ARID1A: variants seen among roughly 807,000 people sequenced by gnomAD.
ARID1A encodes AT-rich interactive domain-containing protein 1A.
ARID1A carries 20 observed loss-of-function variants against 212.6 expected under a neutral mutation model. The observed-to-expected ratio is 0.09, with a 90% CI of 0.07 to 0.14. The LOEUF is 0.14. Among genes scored for constraint, ARID1A ranks in the 10% least tolerant of loss-of-function variants. The pLI is 1.00. For synonymous variants in ARID1A, 1,376 were observed against 1,222.1 expected, an observed-to-expected ratio of 1.13 and a Z score of -2.63; for missense variants, 2,587 against 3,059.0, an observed-to-expected ratio of 0.85 and a Z score of 3.64.
At chr1:26,768,100 C>G in intron 11 of ARID1A, 101 bp downstream of exon 11, 2 of 1,269,950 alleles carry the variant, frequency 1.6e-6, no homozygotes, top group South Asian at 1.4e-5. Context: ...ACAGGGACAT[C>G]ATCCCCTCTC....
chr1:26,760,441 A>G (rs2080980081), intron 4 of ARID1A, among the ~76,000 whole-genome samples: 1 of 152,056 alleles, frequency 6.6e-6, no homozygotes, highest in Admixed American at 6.6e-5. Context: ...TAATCCCAGC[A>G]CTTTGGGAGG....
Position 26,763,001 on chromosome 1 carries a change from T to G in ARID1A, c.2448T>G (p.Asn816Lys), listed in dbSNP as rs1446749848. The G allele has an allele frequency of 6.2e-7, 1 of 1,601,556 alleles. No homozygotes were observed. Among genetic ancestry groups the G allele is most frequent in the Non-Finnish European group, 8.5e-7 (1 of 1,169,648 alleles). ...QGGYPRQPNY[N>K]ALPNANYPSA... ...GCTACCCCAGGCAGCCAAACTATAA[T>G]GCCTTGCCCAATGCCAACTACCCCA... Residue 816 changes from asparagine (N) to lysine (K), a missense_variant, in exon 8 of 20, where the codon AAT becomes AAG. By Grantham distance (94) the Asn-to-Lys change is moderately conservative (BLOSUM62 0). Around this residue, in one of 11 missense-constraint regions of ARID1A, gnomAD observed 674 missense variants for 813.4 expected, o/e 0.83. Coordinates refer to ENST00000324856, the MANE Select transcript of ARID1A (RefSeq NM_006015.6).
intron 4 of ARID1A, among the ~76,000 whole-genome samples, chr1:26,744,710 C>T (rs1269191624): frequency 6.6e-6 from 1 of 152,118 alleles, no homozygotes; most frequent in Non-Finnish European, 1.5e-5. Flanking sequence ...CCAGGTGATA[C>T]TTATTTTGAG....
intron 1 of ARID1A, among the ~76,000 whole-genome samples, chr1:26,719,300 C>T (rs1312178877): frequency 2.0e-5 from 3 of 152,194 alleles, no homozygotes; most frequent in African/African-American, 7.2e-5. Flanking sequence ...CCAGAAAAAT[C>T]TGAGACTGAG....
At chr1:26,756,084 T>G (rs936508970) in intron 4 of ARID1A, among the ~76,000 whole-genome samples, 1 of 149,038 alleles carries the variant, frequency 6.7e-6, no homozygotes, top group African/African-American at 2.5e-5. Context: ...TTTGTTTTTG[T>G]TTTTTTTTCT....
At chr1:26,701,027 G>A (rs1351777539) in intron 1 of ARID1A, among the ~76,000 whole-genome samples, 1 of 152,172 alleles carries the variant, frequency 6.6e-6, no homozygotes, top group Non-Finnish European at 1.5e-5. Context: ...ACCATGACAA[G>A]CAGCACCTGC....
At chr1:26,734,084 C>T (rs999515385) in intron 4 of ARID1A, among the ~76,000 whole-genome samples, 1 of 152,174 alleles carries the variant, frequency 6.6e-6, no homozygotes, top group African/African-American at 2.4e-5. Context: ...ATAAAGTGAT[C>T]ACTCTTTGTT....
rs370661876 is a variant in ARID1A, at chr1:26,716,994, C to T, written c.1138-12657C>T. On this transcript the variant is annotated intron_variant, in intron 1 of 19. Transcript: ENST00000324856. ...CATCTTGCTCCCCGGGTAATAAATG[C>T]CAGTAGCACTATAGAGTTGCTGTGA... Among the ~76,000 whole-genome samples the T allele has an allele frequency of 1.1e-4, 17 of 152,220 alleles. No homozygotes were observed. The East Asian group carries it at 3.3e-3, about 29-fold the overall frequency.
chr1:26,744,237 C>A (rs948211009), intron 4 of ARID1A, among the ~76,000 whole-genome samples: 3 of 152,238 alleles, frequency 2.0e-5, no homozygotes, highest in Admixed American at 2.0e-4. Flanking sequence ...TGCTGACTGC[C>A]TGAGCCTGTG....
In ARID1A at chr1:26,696,646, G is replaced by T; in HGVS notation, c.243G>T (p.Gly81=). ...TGCAGGACGGGGCCGAGAGCAATGG[G>T]GGTGGCGGCGGCGGCGGAGCCGGCA... ...KELQDGAESN[G]GGGGGGAGSG... is the part of the protein sequence containing the mutation. Residue 81 remains glycine (G), a synonymous_variant, in exon 1 of 20, where the codon GGG becomes GGT. Transcript: ENST00000324856. 7.6e-7 allele frequency: 1 copy of T among 1,310,078 alleles called. No individual in the cohort carries two copies. Among genetic ancestry groups the T allele is most frequent in the South Asian group, 2.3e-5 (1 of 43,364 alleles). The allele number at this position is 1,310,078 out of a possible 1,614,324, so 81.2% of individuals were successfully genotyped here. A position where few individuals can be genotyped will look rare whatever the true frequency, so the allele number is the denominator to read the frequency against.
rs933192911 is a variant in ARID1A, at chr1:26,771,776, T to C, written c.3406+450T>C. The C allele has an allele frequency of 3.1e-5, 6 of 191,648 alleles. No homozygotes were observed. The highest frequency in any genetic ancestry group is 1.4e-4 in the African/African-American group (6 of 42,168). 11.9% of individuals were successfully genotyped at this position (191,648 alleles called of 1,614,324 possible). A position where few individuals can be genotyped will look rare whatever the true frequency, so the allele number is the denominator to read the frequency against. ...AAGGGTTATGAATGGAACTCCCTGA[T>C]GGGAGTGGCTCTGCTCACCCTCCTT... On this transcript the variant is annotated intron_variant, in intron 12 of 19. Coordinates refer to ENST00000324856, the MANE Select transcript of ARID1A (RefSeq NM_006015.6). The surrounding 1 kb of genome is among the most constrained non-coding windows in gnomAD (Gnocchi z 5.4).
intron 1 of ARID1A, among the ~76,000 whole-genome samples, chr1:26,727,336 C>T (rs1191348176): frequency 1.3e-5 from 2 of 152,162 alleles, no homozygotes; most frequent in Non-Finnish European, 2.9e-5. Flanking sequence ...GATTTGGGAA[C>T]AGCATTGTCC....
intron 4 of ARID1A, among the ~76,000 whole-genome samples, chr1:26,738,243 C>T (rs539545643): frequency 2.6e-4 from 40 of 152,178 alleles, no homozygotes; most frequent in South Asian, 1.4e-3. Flanking sequence ...AGACTGGTCT[C>T]GAACTCCTGA....
chr1:26,766,668 C>T, intron 10 of ARID1A, 102 bp downstream of exon 10: 1 of 1,195,790 alleles, frequency 8.4e-7, no homozygotes, highest in Non-Finnish European at 1.2e-6. Flanking sequence ...CCTTTTATGA[C>T]ACCGGACTAG....
chr1:26,709,489 C>T (rs987696847), intron 1 of ARID1A, among the ~76,000 whole-genome samples: 5 of 152,124 alleles, frequency 3.3e-5, no homozygotes, highest in Non-Finnish European at 7.4e-5. Context: ...ACAGCACCCC[C>T]GACCCAGGAC....
chr1:26,730,824 T>TATA (rs2080668429), intron 2 of ARID1A, among the ~76,000 whole-genome samples: 1 of 152,176 alleles, frequency 6.6e-6, no homozygotes, highest in Non-Finnish European at 1.5e-5. Flanking sequence ...TCCTAACACT[T>TATA]ATAAAAACAG....
Position 26,696,768 on chromosome 1 carries a change from G to A in ARID1A, c.365G>A (p.Gly122Asp). ...AACAATAACCTCACGGAGCCGCCCG[G>A]CGGCGGCGGTGGCGGCAGCAGCGAT... is the stretch of plus-strand genomic sequence containing the variant. ...ALNNNLTEPP[G>D]GGGGGSSDGV... The change falls in exon 1 of 20, where the codon GGC (glycine) becomes GAC (aspartate). Residue 122 changes from glycine to aspartate, a missense_variant. Gly to Asp is a moderately conservative substitution (Grantham distance 94, BLOSUM62 -1). Transcript: ENST00000324856. 3 of 1,345,690 alleles carry A rather than the reference G, an allele frequency of 2.2e-6. No homozygotes were observed. The highest frequency in any genetic ancestry group is 2.8e-6 in the Non-Finnish European group (3 of 1,053,028). The allele number at this position is 1,345,690 out of a possible 1,614,324, so 83.4% of individuals were successfully genotyped here.
intron 4 of ARID1A, among the ~76,000 whole-genome samples, chr1:26,750,088 G>A (rs1234120920): frequency 6.6e-6 from 1 of 152,198 alleles, no homozygotes; most frequent in Non-Finnish European, 1.5e-5. Context: ...TGGAGAAAAA[G>A]GGCGGATAGA....
chr1:26,778,112 C>T (rs1393809228), intron 19 of ARID1A: 2 of 150,812 alleles, frequency 1.3e-5, no homozygotes, highest in Non-Finnish European at 2.9e-5. Context: ...CTCTCACACA[C>T]TAGCCCGATG....
Sources: gnomAD v4.1 joint callset for allele counts (sites outside exome capture counted in the v4.1 genomes callset) on GRCh38, gnomAD v4.1.1 for gene constraint, gnomAD v4.1.1 regional missense constraint, Gnocchi (gnomAD v3.1) non-coding constraint, MANE v1.5 for transcripts, NCBI Gene and HGNC (gene_info 2026-07-23, HGNC 2026-07-21) for gene names.